Variants in STMN1 observed in about 807,000 individuals in gnomAD.
STMN1 encodes the protein stathmin.
STMN1 carries 3 observed loss-of-function variants against 19.7 expected under a neutral mutation model. The observed-to-expected ratio is 0.15, with a 90% CI of 0.07 to 0.39. The LOEUF (loss-of-function observed/expected upper bound fraction) is 0.39, where lower values mean the gene tolerates loss of function less well. Among genes scored for constraint, STMN1 ranks in the 10% least tolerant of loss-of-function variants. The probability of loss-of-function intolerance (pLI) is 1.00; values close to 1 mark genes in which losing one functional copy is unlikely to be tolerated. For missense variants in STMN1, 99 were observed against 176.0 expected (o/e 0.56, Z 2.48); for synonymous variants, 59 against 58.9 (o/e 1.00, Z -0.01).
downstream of STMN1, among the ~76,000 whole-genome samples, chr1:25,896,973 A>G (rs2048822925): frequency 6.6e-6 from 1 of 152,232 alleles, no homozygotes; most frequent in African/African-American, 2.4e-5. Context: ...GGGAACTTCT[A>G]GGGCATCTAA....
At chr1:25,885,940 T>A in intron 4 of STMN1, 1 of 1,462,584 alleles carries the variant, frequency 6.8e-7, no homozygotes, top group East Asian at 2.5e-5. Context: ...GGAGGGGCCC[T>A]TCATCAGGGC....
intron 3 of STMN1, 130 bp from the exon 4 acceptor site, chr1:25,901,812 C>G: frequency 1.3e-6 from 1 of 788,656 alleles, no homozygotes; most frequent in East Asian, 3.0e-5. Context: ...GAGTTCAAGA[C>G]CAGCCTGGCC....
intron 4 of STMN1, among the ~76,000 whole-genome samples, chr1:25,892,108 G>T (rs2124230936): frequency 1.3e-5 from 2 of 152,340 alleles, no homozygotes; most frequent in Middle Eastern, 6.8e-3. Flanking sequence ...AAATAAATTA[G>T]GCCAGGTGCT....
chr1:25,891,877 G>A (rs190984719), intron 4 of STMN1, among the ~76,000 whole-genome samples: 2 of 152,162 alleles, frequency 1.3e-5, no homozygotes, highest in Non-Finnish European at 2.9e-5. Context: ...GGAACACTGG[G>A]CAGGGAGGGG....
intron 4 of STMN1, among the ~76,000 whole-genome samples, chr1:25,895,111 T>C (rs1305449334): frequency 7.4e-6 from 1 of 134,958 alleles, no homozygotes; most frequent in East Asian, 2.0e-4. Context: ...TTTTTTTTTT[T>C]TTTTTTTTTG....
At chr1:25,886,459 G>C (rs926688634) in intron 4 of STMN1, among the ~76,000 whole-genome samples, 4 of 152,106 alleles carry the variant, frequency 2.6e-5, no homozygotes, top group African/African-American at 9.7e-5. Flanking sequence ...ATGCTTAGGC[G>C]GGACTCCTTA....
chr1:25,886,607 G>A lies in STMN1; in HGVS notation c.379-738C>T, dbSNP rs564370273. ...TTTTTTTTTTTTTTTTTTTTGGTGG[G>A]GGATGGAGTCTCACTCTGTTGCCCA... On this transcript the variant is annotated intron_variant, in intron 4 of 4. Coordinates refer to the STMN1 transcript ENST00000426559. Among the ~76,000 whole-genome samples, 970 of 147,476 alleles carry A rather than the reference G, an allele frequency of 6.6e-3. 4 individuals are homozygous for A. The highest frequency in any genetic ancestry group is 0.017 in the Middle Eastern group (5 of 288).
chr1:25,905,793 G>A (rs2048936770), intron 1 of STMN1: 1 of 152,182 alleles, frequency 6.6e-6, no homozygotes, highest in African/African-American at 2.4e-5. Context: ...CCCGGGAACA[G>A]GCCCCCGGGT....
At chr1:25,893,041 A>G (rs1178712737) in intron 4 of STMN1, among the ~76,000 whole-genome samples, 1 of 152,252 alleles carries the variant, frequency 6.6e-6, no homozygotes, top group Non-Finnish European at 1.5e-5. Context: ...GTGGTTACAC[A>G]ATATTGTGAA....
intron 3 of STMN1, 191 bp downstream of exon 3, chr1:25,903,450 G>C (rs1348203349): frequency 1.4e-6 from 1 of 705,424 alleles, no homozygotes; most frequent in Non-Finnish European, 2.3e-6. Flanking sequence ...TATTAAAGGA[G>C]AAAAATATAA....
chr1:25,890,802 C>T (rs2048767357), intron 4 of STMN1, among the ~76,000 whole-genome samples: 1 of 152,092 alleles, frequency 6.6e-6, no homozygotes, highest in Non-Finnish European at 1.5e-5. Context: ...AGTCAGAGAC[C>T]ATTTGGAAAA....
intron 4 of STMN1, among the ~76,000 whole-genome samples, chr1:25,889,861 CTT>C (rs1449401385): frequency 6.6e-6 from 1 of 152,222 alleles, no homozygotes; most frequent in African/African-American, 2.4e-5. Flanking sequence ...GAGGGCCTCA[CTT>C]AGGCTCCTTC....
chr1:25,905,724 CA>C, intron 1 of STMN1: 1 of 152,562 alleles, frequency 6.6e-6, no homozygotes, highest in Non-Finnish European at 1.5e-5. Flanking sequence ...CAACTCCCGC[CA>C]AAAACACCTC....
chr1:25,904,981 G>T, intron 1 of STMN1: 1 of 342,718 alleles, frequency 2.9e-6, no homozygotes. Context: ...AAAACTCTTG[G>T]ATTTTTAAAA....
At chr1:25,901,319 G>A (rs2048871362) in intron 4 of STMN1, 172 bp downstream of exon 4, 1 of 1,114,696 alleles carries the variant, frequency 9.0e-7, no homozygotes, top group East Asian at 2.6e-5. Context: ...GTGCAATTAT[G>A]CTGGGAATTA....
In STMN1 at chr1:25,900,267, A is replaced by G. The variant is rs534001292; in HGVS notation, c.*749T>C. Reference sequence around the variant, plus strand: ...AGATTCTCTCTCAACTGTTCTCTAGAAACACGCTTGTGCTTTTAATCTGCC... The same window carrying G: ...AGATTCTCTCTCAACTGTTCTCTAGGAACACGCTTGTGCTTTTAATCTGCC... On this transcript the variant is annotated 3_prime_UTR_variant, in exon 5 of 5. Transcript: ENST00000455785. 17 of 985,902 alleles carry G rather than the reference A, an allele frequency of 1.7e-5. No individual in the cohort carries two copies. The African/African-American group carries it at 2.8e-4, about 16-fold the overall frequency. The allele number at this position is 985,902 out of a possible 1,614,324, so 61.1% of individuals were successfully genotyped here. A position where few individuals can be genotyped will look rare whatever the true frequency, so the allele number is the denominator to read the frequency against.
At chr1:25,890,545 A>C (rs1192473183) in intron 4 of STMN1, among the ~76,000 whole-genome samples, 1 of 152,256 alleles carries the variant, frequency 6.6e-6, no homozygotes, top group Admixed American at 6.5e-5. Context: ...TGAAAGGGGA[A>C]GAATAAATGT....
rs566962123 is a variant in STMN1, at chr1:25,890,120, TG to T, written c.379-4252del. ...GCCTGGTAAGTAGGAGGACTGGAGGTGTATTCATTCAATGAATACGTGGATG... is the reference window on the plus strand; with the variant it reads ...GCCTGGTAAGTAGGAGGACTGGAGGTTATTCATTCAATGAATACGTGGATG... On this transcript the variant is annotated intron_variant, in intron 4 of 4. Coordinates refer to the STMN1 transcript ENST00000426559. 1.2e-3 allele frequency among the ~76,000 whole-genome samples: 176 copies of T among 150,692 alleles called. 1 individual carries two copies. Among genetic ancestry groups the T allele is most frequent in the African/African-American group, 4.2e-3 (168 of 39,992 alleles).
chr1:25,890,905 G>A (rs962105246), intron 4 of STMN1, among the ~76,000 whole-genome samples: 2 of 152,188 alleles, frequency 1.3e-5, no homozygotes, highest in African/African-American at 4.8e-5. Flanking sequence ...AAATGGCATT[G>A]AGAGAGCAAG....
Sources: allele counts gnomAD v4.1 joint callset (sites outside exome capture counted in the v4.1 genomes callset), GRCh38; gene constraint gnomAD v4.1.1; transcripts MANE v1.5; gene names NCBI Gene and HGNC (gene_info 2026-07-23, HGNC 2026-07-21).